Variants in SUGT1 observed in about 807,000 individuals in gnomAD.
SUGT1 encodes protein SGT1 homolog.
In SUGT1, 15 loss-of-function variants were observed where a neutral mutation model predicts 56.1. That is an observed-to-expected ratio of 0.27 (90% confidence interval 0.18 to 0.41). The LOEUF (loss-of-function observed/expected upper bound fraction) is 0.41, where lower values mean the gene tolerates loss of function less well. Among genes scored for constraint, SUGT1 ranks in the 10% least tolerant of loss-of-function variants. The pLI is 1.00. For synonymous variants in SUGT1, 123 were observed against 128.6 expected (o/e 0.96, Z 0.30); for missense variants, 347 against 382.2 (o/e 0.91, Z 0.77).
chr13:52,700,883 C>T lies in SUGT1; in HGVS notation c.*13048C>T, dbSNP rs555058305. The T allele has an allele frequency of 6.6e-6, 1 of 152,228 alleles. No homozygotes were observed. Among genetic ancestry groups the T allele is most frequent in the Admixed American group, 6.5e-5 (1 of 15,290 alleles). 9.4% of individuals were successfully genotyped at this position (152,228 alleles called of 1,614,324 possible). ...TTTTGTAAAAATGTAGCTTGTATTT[C>T]AGTATAATAAAATCTGATGTAAGAA... On this transcript the variant is annotated 3_prime_UTR_variant, in exon 13 of 13. Coordinates refer to ENST00000310528, the MANE Select transcript of SUGT1 (RefSeq NM_006704.5).
chr13:52,654,250 G>A (rs900649873), intron 2 of SUGT1, among the ~76,000 whole-genome samples: 3 of 152,160 alleles, frequency 2.0e-5, no homozygotes, highest in African/African-American at 7.2e-5. Context: ...TGAGTTTGGG[G>A]ATAATGTTAC....
chr13:52,681,269 TTAGC>T (rs1963362338), intron 12 of SUGT1, among the ~76,000 whole-genome samples: 1 of 149,088 alleles, frequency 6.7e-6, no homozygotes. Context: ...AAAAAAAAAA[TTAGC>T]TAGGCCTGGT....
chr13:52,672,432 T>C (rs867919003), intron 10 of SUGT1, among the ~76,000 whole-genome samples: 1 of 152,198 alleles, frequency 6.6e-6, no homozygotes, highest in African/African-American at 2.4e-5. Context: ...AGACCTTCAA[T>C]CTTCTCCATT....
chr13:52,666,717 G>T, intron 9 of SUGT1, 95 bp from the exon 10 acceptor site: 1 of 786,838 alleles, frequency 1.3e-6, no homozygotes, highest in Non-Finnish European at 2.1e-6. Context: ...AAAATAATTT[G>T]TAACATTATT....
chr13:52,687,457 T>C (rs1963642088), intron 12 of SUGT1: 1 of 200,322 alleles, frequency 5.0e-6, no homozygotes, highest in African/African-American at 2.3e-5. Context: ...GCAAAGGATG[T>C]AGTGCACCTC....
chr13:52,663,941 A>G (rs918378665), intron 7 of SUGT1, 94 bp from the exon 8 acceptor site: 4 of 1,190,516 alleles, frequency 3.4e-6, no homozygotes, highest in Non-Finnish European at 4.9e-6. Flanking sequence ...AGTGTTGGGT[A>G]AATTAATAAT....
Position 52,691,507 on chromosome 13 carries a change from A to G in SUGT1, c.*3672A>G, listed in dbSNP as rs1391186777. The G allele has an allele frequency of 1.3e-5, 2 of 152,176 alleles. No individual in the cohort carries two copies. The highest frequency in any genetic ancestry group is 3.8e-4 in the East Asian group (2 of 5,196). The allele number at this position is 152,176 out of a possible 1,614,324, so 9.4% of individuals were successfully genotyped here. On this transcript the variant is annotated 3_prime_UTR_variant, in exon 13 of 13. Coordinates refer to ENST00000310528, the MANE Select transcript of SUGT1 (RefSeq NM_006704.5). Reference sequence around the variant, plus strand: ...AAAATTGCATATTAGTTTACCATCTAATCAGCCTAATGCACTTAAATTCCC... The same window carrying G: ...AAAATTGCATATTAGTTTACCATCTGATCAGCCTAATGCACTTAAATTCCC...
At chr13:52,664,958 A>G (rs1192940232) in intron 8 of SUGT1, among the ~76,000 whole-genome samples, 1 of 152,194 alleles carries the variant, frequency 6.6e-6, no homozygotes, top group African/African-American at 2.4e-5. Flanking sequence ...GTCTAATTTG[A>G]AAGTGAGGAT....
chr13:52,696,991 T>G lies in SUGT1; in HGVS notation c.*9156T>G, dbSNP rs1023572440. 1.3e-5 allele frequency: 2 copies of G among 150,466 alleles called. No homozygotes were observed. The highest frequency in any genetic ancestry group is 4.9e-5 in the African/African-American group (2 of 41,174). 9.3% of individuals were successfully genotyped at this position (150,466 alleles called of 1,614,324 possible). ...GGGGTGTCCTGATTTATTTTATTTA[T>G]TTTATTTATTTATTTTTATTTTTTA... On this transcript the variant is annotated 3_prime_UTR_variant, in exon 13 of 13. Coordinates refer to ENST00000310528, the MANE Select transcript of SUGT1 (RefSeq NM_006704.5).
intron 5 of SUGT1, among the ~76,000 whole-genome samples, chr13:52,662,229 G>A (rs2138120051): frequency 6.6e-6 from 1 of 152,242 alleles, no homozygotes; most frequent in Non-Finnish European, 1.5e-5. Flanking sequence ...GCAAGCTGGG[G>A]CTGGGAACGG....
At chr13:52,685,058 C>T (rs1317970100) in intron 12 of SUGT1, among the ~76,000 whole-genome samples, 1 of 108,996 alleles carries the variant, frequency 9.2e-6, no homozygotes, top group Non-Finnish European at 1.8e-5. Flanking sequence ...CTTCACTTTA[C>T]CTTTTGGTGT....
rs1185869175 is a variant in SUGT1 at position 52,665,744 on chromosome 13, T to G, written c.519+11T>G. 26 of 1,560,030 alleles carry G rather than the reference T, an allele frequency of 1.7e-5. No homozygotes were observed. The highest frequency in any genetic ancestry group is 2.2e-5 in the Non-Finnish European group (25 of 1,150,644). ...TTTTCAGAAAAAGAGGTCAGTAGAC[T>G]GAATCATTTTTCAATGTTGATTACT... On this transcript the variant is annotated intron_variant, in intron 9 of 12. Coordinates refer to ENST00000310528, the MANE Select transcript of SUGT1 (RefSeq NM_006704.5).
At chr13:52,670,311 C>A (rs1303518787) in intron 10 of SUGT1, among the ~76,000 whole-genome samples, 1 of 152,086 alleles carries the variant, frequency 6.6e-6, no homozygotes, top group Non-Finnish European at 1.5e-5. Flanking sequence ...TTTTCAGTAT[C>A]TCTGATAGTT....
At chr13:52,673,563 C>T (rs574701965) in intron 10 of SUGT1, among the ~76,000 whole-genome samples, 4 of 152,208 alleles carry the variant, frequency 2.6e-5, no homozygotes, top group Non-Finnish European at 4.4e-5. Context: ...ATAAAGTCCT[C>T]TTTGTTCATA....
intron 10 of SUGT1, among the ~76,000 whole-genome samples, chr13:52,671,144 A>T (rs567302991): frequency 8.6e-5 from 13 of 151,782 alleles, no homozygotes; most frequent in African/African-American, 2.9e-4. Context: ...GTCTGAATAC[A>T]TAGATATGAG....
chr13:52,654,819 G>A (rs907557863), intron 2 of SUGT1, among the ~76,000 whole-genome samples: 2 of 152,220 alleles, frequency 1.3e-5, no homozygotes, highest in African/African-American at 4.8e-5. Context: ...TTGTATAGCC[G>A]TAAGTACGGC....
At chr13:52,655,953 T>G (rs1229940337) in intron 2 of SUGT1, among the ~76,000 whole-genome samples, 3 of 152,146 alleles carry the variant, frequency 2.0e-5, no homozygotes, top group Non-Finnish European at 4.4e-5. Context: ...GGAAGAAGTC[T>G]TAAGTACTGA....
At chr13:52,675,965 C>T (rs79372857) in intron 10 of SUGT1, among the ~76,000 whole-genome samples, 1,583 of 152,004 alleles carry the variant, frequency 0.01, 28 homozygotes, top group African/African-American at 0.037. Context: ...CAGAACATTG[C>T]TTTGGATGAA....
rs1465975303 is a variant in SUGT1, at chr13:52,696,689, T to C, written c.*8854T>C. 6.6e-6 allele frequency: 1 copy of C among 152,164 alleles called. No homozygotes were observed. Among genetic ancestry groups the C allele is most frequent in the Non-Finnish European group, 1.5e-5 (1 of 68,036 alleles). 9.4% of individuals were successfully genotyped at this position (152,164 alleles called of 1,614,324 possible). On this transcript the variant is annotated 3_prime_UTR_variant, in exon 13 of 13. Coordinates refer to ENST00000310528, the MANE Select transcript of SUGT1 (RefSeq NM_006704.5). ...GCTCAGGCTGGAGTGCAGTGGCTGT[T>C]CACAGGCGTGATAATTGTGTGTTAC... is the stretch of plus-strand genomic sequence containing the variant.
Sources: gnomAD v4.1 joint callset for allele counts (sites outside exome capture counted in the v4.1 genomes callset) on GRCh38, gnomAD v4.1.1 for gene constraint, MANE v1.5 for transcripts, NCBI Gene and HGNC (gene_info 2026-07-23, HGNC 2026-07-21) for gene names.